Variants in PCSK6 observed in about 807,000 individuals in gnomAD.
The protein encoded by PCSK6 is proprotein convertase subtilisin/kexin type 6.
A neutral mutation model predicts 123.3 loss-of-function variants in PCSK6; 85 were observed. The ratio of observed to expected loss-of-function variants is 0.69; its 90% CI spans 0.58 to 0.83. The LOEUF is 0.83. Among genes scored for constraint, PCSK6 ranks in the 40% least tolerant of loss-of-function variants. The pLI is 0.00. For missense variants in PCSK6, 1,191 were observed against 1,282.3 expected (o/e 0.93, Z 1.09); for synonymous variants, 508 against 516.0 (o/e 0.98, Z 0.21).
chr15:101,372,499 A>G (rs984764055), intron 11 of PCSK6, among the ~76,000 whole-genome samples: 4 of 152,208 alleles, frequency 2.6e-5, no homozygotes, highest in Admixed American at 2.6e-4. Context: ...CCTTCTCCCA[A>G]GCTTTACTGC....
Position 101,393,269 on chromosome 15 carries a change from C to T in PCSK6, c.1152G>A (p.Glu384=). The T allele has an allele frequency of 6.2e-7, 1 of 1,613,770 alleles. No homozygotes were observed. Among genetic ancestry groups the T allele is most frequent in the Non-Finnish European group, 8.5e-7 (1 of 1,179,892 alleles). ...AGGTGGTGGCCAGGGTGGAGGCACA[C>T]TCTTCCAGGTACCAGGGCTTGTAGC... is the stretch of plus-strand genomic sequence containing the variant. ...ENGYKPWYLE[E]CASTLATTYS... Residue 384 remains glutamate, a synonymous_variant, in exon 8 of 22, where the codon GAG becomes GAA. Coordinates refer to ENST00000611716, the MANE Select transcript of PCSK6 (RefSeq NM_002570.5).
intron 6 of PCSK6, among the ~76,000 whole-genome samples, chr15:101,417,716 G>C (rs2055936439): frequency 6.6e-6 from 1 of 151,800 alleles, no homozygotes; most frequent in Non-Finnish European, 1.5e-5. Context: ...TCCATTCAAG[G>C]AATTAGAACA....
chr15:101,311,355 G>C (rs1409349843), intron 20 of PCSK6, among the ~76,000 whole-genome samples: 2 of 148,208 alleles, frequency 1.3e-5, no homozygotes, highest in Non-Finnish European at 3.0e-5. Flanking sequence ...TTGAACTCCT[G>C]GCCTCAGGTG....
At chr15:101,442,173 A>T (rs1438875312) in intron 2 of PCSK6, among the ~76,000 whole-genome samples, 1 of 152,134 alleles carries the variant, frequency 6.6e-6, no homozygotes, top group Non-Finnish European at 1.5e-5. Context: ...TCTCACCCCC[A>T]TGTGATGGGG....
intron 6 of PCSK6, among the ~76,000 whole-genome samples, chr15:101,415,721 G>C (rs963023050): frequency 3.9e-5 from 6 of 152,218 alleles, no homozygotes; most frequent in African/African-American, 1.4e-4. Flanking sequence ...GGAGGTAATT[G>C]AATCATGGGT....
intron 13 of PCSK6, among the ~76,000 whole-genome samples, chr15:101,363,635 T>TTG (rs35270772): frequency 0.11 from 15,781 of 144,252 alleles, 1,888 homozygotes; most frequent in East Asian, 0.32. Flanking sequence ...GTTATAACAC[T>TTG]TTTTTTTTTT....
Position 101,318,393 on chromosome 15 carries a change from C to T in PCSK6, c.2495G>A (p.Cys832Tyr). 6.4e-7 allele frequency: 1 copy of T among 1,563,146 alleles called. No homozygotes were observed. The change falls in exon 19 of 22, where the codon TGT becomes TAT. Residue 832 changes from cysteine to tyrosine, a missense_variant. Transcript: ENST00000611716. ...SLARGSCIPD[C>Y]EPGTYFDSEL... ...TGAGTCAAAGTAGGTGCCTGGCTCACAGTCAGGAATGCAGCTGCCCCGTGC... is the reference window on the plus strand; with the variant it reads ...TGAGTCAAAGTAGGTGCCTGGCTCATAGTCAGGAATGCAGCTGCCCCGTGC...
intron 1 of PCSK6, among the ~76,000 whole-genome samples, chr15:101,472,206 A>G (rs1262278365): frequency 6.6e-6 from 1 of 152,210 alleles, no homozygotes; most frequent in African/African-American, 2.4e-5. Context: ...CCCCACGGCC[A>G]GGTGGCCTGG....
chr15:101,392,328 C>T (rs767161170), intron 8 of PCSK6, among the ~76,000 whole-genome samples: 1 of 152,224 alleles, frequency 6.6e-6, no homozygotes, highest in African/African-American at 2.4e-5. Flanking sequence ...GGCGACAGAA[C>T]GATGGCAGCT....
intron 13 of PCSK6, among the ~76,000 whole-genome samples, chr15:101,363,459 C>T (rs2041293834): frequency 6.6e-6 from 1 of 152,232 alleles, no homozygotes; most frequent in African/African-American, 2.4e-5. Flanking sequence ...GCCCACGAAG[C>T]AGTGAATGCT....
intron 1 of PCSK6, among the ~76,000 whole-genome samples, chr15:101,474,609 C>G (rs1010864450): frequency 3.3e-5 from 5 of 152,196 alleles, no homozygotes; most frequent in Non-Finnish European, 4.4e-5. Flanking sequence ...CTGCTTTTAT[C>G]CTTACTGAGC....
intron 6 of PCSK6, among the ~76,000 whole-genome samples, chr15:101,401,319 A>G (rs1322444048): frequency 6.6e-6 from 1 of 152,252 alleles, no homozygotes; most frequent in African/African-American, 2.4e-5. Flanking sequence ...TATGAGCAGT[A>G]GGAATAAATG....
Position 101,427,863 on chromosome 15 carries a change from G to A in PCSK6, c.823+29C>T, listed in dbSNP as rs376142224. The A allele has an allele frequency of 6.0e-5, 91 of 1,521,562 alleles. No homozygotes were observed. The African/African-American group carries it at 8.7e-4, about 15-fold the overall frequency. 94.3% of individuals were successfully genotyped at this position (1,521,562 alleles called of 1,614,324 possible). The stretch of plus-strand genomic sequence containing the variant: ...CAGCTGCCCCTGCCCCAGGCCCCTC[G>A]GCTCGCAGGCTGCCACGCCCGGCCT... On this transcript the variant is annotated intron_variant, in intron 6 of 21. Coordinates refer to ENST00000611716, the MANE Select transcript of PCSK6 (RefSeq NM_002570.5).
intron 6 of PCSK6, among the ~76,000 whole-genome samples, 160 bp downstream of exon 6, chr15:101,427,732 C>G (rs560138551): frequency 9.8e-5 from 15 of 152,368 alleles, no homozygotes; most frequent in African/African-American, 3.6e-4. Context: ...GGGTCAGCTG[C>G]CTGGGCCATG....
intron 6 of PCSK6, among the ~76,000 whole-genome samples, chr15:101,412,407 C>T (rs1368481728): frequency 6.6e-6 from 1 of 151,754 alleles, no homozygotes; most frequent in Non-Finnish European, 1.5e-5. Flanking sequence ...TTTAGGTTTA[C>T]CTTTTAAAAT....
At chr15:101,346,762 G>C (rs1596209669) in intron 13 of PCSK6, 1 of 1,229,436 alleles carries the variant, frequency 8.1e-7, no homozygotes, top group Non-Finnish European at 1.0e-6. Flanking sequence ...TATTTTATTT[G>C]CAAAAATTAG....
At chr15:101,440,582 T>G (rs929715114) in intron 2 of PCSK6, among the ~76,000 whole-genome samples, 2 of 152,236 alleles carry the variant, frequency 1.3e-5, no homozygotes, top group Admixed American at 6.5e-5. Context: ...TGATGGAACT[T>G]TATCCTAAGC....
chr15:101,467,226 G>A (rs1467403898), intron 1 of PCSK6, among the ~76,000 whole-genome samples: 1 of 151,554 alleles, frequency 6.6e-6, no homozygotes, highest in African/African-American at 2.4e-5. Flanking sequence ...AGAAACTCTG[G>A]CATTTGTGTA....
In PCSK6 at chr15:101,467,604, T is replaced by C. The variant is rs553327680; in HGVS notation, c.297+21770A>G. On this transcript the variant is annotated intron_variant, in intron 1 of 21. Transcript: ENST00000611716. Reference sequence around the variant, plus strand: ...AATTCTTAAAAAAGAATTACAAACATGCCAGGAGAATGGACAGATACATTG... The same window carrying C: ...AATTCTTAAAAAAGAATTACAAACACGCCAGGAGAATGGACAGATACATTG... 7.9e-5 allele frequency among the ~76,000 whole-genome samples: 12 copies of C among 152,256 alleles called. No homozygotes were observed. In the South Asian group the frequency reaches 2.5e-3, roughly 32 times the overall value.
Sources: gnomAD v4.1 joint callset for allele counts (sites outside exome capture counted in the v4.1 genomes callset) on GRCh38, gnomAD v4.1.1 for gene constraint, MANE v1.5 for transcripts, NCBI Gene and HGNC (gene_info 2026-07-23, HGNC 2026-07-21) for gene names.